Variants in CHM observed in about 807,000 individuals in gnomAD.
The protein encoded by CHM is CHM Rab escort protein.
In CHM, 10 loss-of-function variants were observed where a neutral mutation model predicts 49.0. The ratio of observed to expected loss-of-function variants is 0.20; its 90% confidence interval spans 0.13 to 0.35. The LOEUF is 0.35. Ranked by LOEUF, CHM falls within the 10% of genes least tolerant of loss-of-function variation. The pLI is 1.00. For missense variants in CHM, 455 were observed against 478.4 expected (o/e 0.95, Z 0.46); for synonymous variants, 184 against 167.5 (o/e 1.10, Z -0.76).
intron 14 of CHM, among the ~76,000 whole-genome samples, chrX:85,870,116 C>T (rs948894060): frequency 1.1e-4 from 12 of 111,240 alleles, no homozygotes; most frequent in Non-Finnish European, 1.9e-4. Context: ...GCTATGGGGC[C>T]TCTGGACAAG....
At chrX:85,946,599 C>CTGGATTTCAGAGAATATAT (rs1265619929) in intron 8 of CHM, among the ~76,000 whole-genome samples, 4 of 111,984 alleles carry the variant, frequency 3.6e-5, no homozygotes, top group Admixed American at 9.4e-5. Flanking sequence ...CAGCCTCCAC[C>CTGGATTTCAGAGAATATAT]GGGATTTCAG....
At chrX:85,965,690 C>T (rs183828356) in intron 4 of CHM, among the ~76,000 whole-genome samples, 121 of 110,728 alleles carry the variant, frequency 1.1e-3, no homozygotes, top group Admixed American at 3.3e-3. Context: ...TTAAAAATAA[C>T]ACAATGAACA....
chrX:86,047,527 C>A lies in CHM; in HGVS notation c.6G>T (p.Ala2=), dbSNP rs773939161. The A allele has an allele frequency of 3.3e-6, 4 of 1,205,051 alleles. No individual in the cohort carries two copies. Among genetic ancestry groups the A allele is most frequent in the Non-Finnish European group, 4.5e-6 (4 of 891,118 alleles). ...CATCAAACTCCGAAGGGAGAGTATC[C>A]GCCATCTTGACGGGAAACGTGTCAT... M[A]DTLPSEFDVI... The change falls in exon 1 of 15, where the codon GCG becomes GCT. Residue 2 remains alanine, a synonymous_variant. Coordinates refer to ENST00000357749, the MANE Select transcript of CHM (RefSeq NM_000390.4).
chrX:85,988,529 T>C (rs1053164409), intron 2 of CHM, among the ~76,000 whole-genome samples: 1 of 111,374 alleles, frequency 9.0e-6, no homozygotes, highest in African/African-American at 3.3e-5. Flanking sequence ...AAAGAGATAA[T>C]GGGCATCCAA....
intron 8 of CHM, among the ~76,000 whole-genome samples, chrX:85,948,032 C>T (rs5968730): frequency 0.27 from 30,078 of 110,614 alleles, 3,215 homozygotes; most frequent in African/African-American, 0.38. Flanking sequence ...AAATGCCCTC[C>T]TTTAACAAAA....
At chrX:86,020,513 T>C (rs973900084) in intron 2 of CHM, among the ~76,000 whole-genome samples, 30 of 107,485 alleles carry the variant, frequency 2.8e-4, no homozygotes, top group African/African-American at 9.7e-4. Context: ...TATATATATA[T>C]ACATAGCAAA....
intron 9 of CHM, among the ~76,000 whole-genome samples, chrX:85,906,474 A>G (rs1926596454): frequency 8.9e-6 from 1 of 112,024 alleles, no homozygotes; most frequent in Non-Finnish European, 1.9e-5. Context: ...CCTATGAAGT[A>G]GGTGTAGTCA....
intron 8 of CHM, among the ~76,000 whole-genome samples, chrX:85,935,134 T>C (rs1928706074): frequency 9.0e-6 from 1 of 111,237 alleles, no homozygotes; most frequent in Non-Finnish European, 1.9e-5. Flanking sequence ...TTTCCAATAA[T>C]GGTGGAAGGC....
intron 2 of CHM, among the ~76,000 whole-genome samples, chrX:86,021,147 T>TATATATATAC (rs1933575209): frequency 1.9e-5 from 1 of 53,492 alleles, no homozygotes; most frequent in African/African-American, 8.5e-5. Flanking sequence ...TATATATATA[T>TATATATATAC]ATATATATAT....
chrX:85,881,556 G>A (rs187466863), intron 12 of CHM, among the ~76,000 whole-genome samples: 84 of 111,859 alleles, frequency 7.5e-4, no homozygotes, highest in African/African-American at 2.3e-3. Context: ...TTAGTAGAAG[G>A]AAGGGCTGGG....
chrX:86,020,910 T>A (rs1213040789), intron 2 of CHM, among the ~76,000 whole-genome samples: 3 of 100,251 alleles, frequency 3.0e-5, no homozygotes, highest in Non-Finnish European at 6.0e-5. Flanking sequence ...GATACATACA[T>A]CTGATATATA....
In CHM at chrX:85,862,607, G is replaced by C; in HGVS notation, c.*2023C>G. 1 of 112,036 alleles carries C rather than the reference G, an allele frequency of 8.9e-6. No individual in the cohort carries two copies. Among genetic ancestry groups the C allele is most frequent in the African/African-American group, 3.2e-5 (1 of 30,801 alleles). The allele number at this position is 112,036 out of a possible 1,213,427, so 9.2% of individuals were successfully genotyped here. On this transcript the variant is annotated 3_prime_UTR_variant, in exon 15 of 15. Coordinates refer to ENST00000357749, the MANE Select transcript of CHM (RefSeq NM_000390.4). ...CCTGATTTGTGTGACATTATAAAAGGGGAAGTGAGGGAAAGGGGACTAAAG... is the reference window on the plus strand; with the variant it reads ...CCTGATTTGTGTGACATTATAAAAGCGGAAGTGAGGGAAAGGGGACTAAAG...
At chrX:85,920,599 T>G (rs1457045552) in intron 8 of CHM, among the ~76,000 whole-genome samples, 1 of 112,260 alleles carries the variant, frequency 8.9e-6, no homozygotes, top group Non-Finnish European at 1.9e-5. Context: ...TAGCATTGAG[T>G]GCTTACTACA....
rs1930426276 is a variant in CHM at position 85,963,846 on chromosome X, A to G, written c.521T>C (p.Val174Ala). The change falls in exon 5 of 15, where the codon GTG (valine) becomes GCG (alanine). Residue 174 changes from valine to alanine, a missense_variant. By Grantham distance (64) the Val-to-Ala change is moderately conservative (BLOSUM62 0). Coordinates refer to ENST00000357749, the MANE Select transcript of CHM (RefSeq NM_000390.4). ...ENALEVNGAE[V>A]TGEKENHCDD... The stretch of plus-strand genomic sequence containing the variant: ...ACAATGGTTTTCTTTTTCCCCTGTC[A>G]CTTCAGCACCATTTACTTCTAGCGC... The G allele has an allele frequency of 8.3e-7, 1 of 1,211,177 alleles. No individual in the cohort carries two copies. The highest frequency in any genetic ancestry group is 1.1e-6 in the Non-Finnish European group (1 of 895,377).
intron 11 of CHM, among the ~76,000 whole-genome samples, chrX:85,897,007 CATATAAT>C (rs1197605864): frequency 4.3e-5 from 4 of 91,999 alleles, no homozygotes; most frequent in Non-Finnish European, 8.3e-5. Flanking sequence ...TTATATAATA[CATATAAT>C]ATATAATATA....
chrX:85,936,412 A>C (rs1056430629), intron 8 of CHM, among the ~76,000 whole-genome samples: 1 of 111,704 alleles, frequency 9.0e-6, no homozygotes, highest in African/African-American at 3.3e-5. Context: ...AAAGTAGCCA[A>C]AGGTAGGAGG....
chrX:85,871,765 A>G (rs2148118991), intron 14 of CHM, among the ~76,000 whole-genome samples: 1 of 111,907 alleles, frequency 8.9e-6, no homozygotes, highest in Admixed American at 9.5e-5. Flanking sequence ...TTTAGCTTAC[A>G]TTAGTACTTG....
At chrX:85,997,968 C>G (rs2147740711) in intron 2 of CHM, among the ~76,000 whole-genome samples, 1 of 110,115 alleles carries the variant, frequency 9.1e-6, no homozygotes, top group African/African-American at 3.3e-5. Context: ...AGTGAAGAAG[C>G]TACAAAAAAT....
In CHM at chrX:85,891,934, G is replaced by T. The variant is rs371979065; in HGVS notation, c.1510+2254C>A. Among the ~76,000 whole-genome samples the T allele has an allele frequency of 3.9e-4, 44 of 112,152 alleles. 1 individual carries two copies. Among genetic ancestry groups the T allele is most frequent in the East Asian group, 2.5e-3 (9 of 3,530 alleles). On this transcript the variant is annotated intron_variant, in intron 12 of 14. Coordinates refer to ENST00000357749, the MANE Select transcript of CHM (RefSeq NM_000390.4). ...CCAAGACCATGGGAACCCACCTCTT[G>T]TATCAGTGTGACCTGGATGTGAGAC...
Sources: gnomAD v4.1 joint callset for allele counts (sites outside exome capture counted in the v4.1 genomes callset) on GRCh38, gnomAD v4.1.1 for gene constraint, MANE v1.5 for transcripts, NCBI Gene and HGNC (gene_info 2026-07-23, HGNC 2026-07-21) for gene names.